PKN2: variants seen among roughly 807,000 people sequenced by gnomAD.
The protein encoded by PKN2 is serine/threonine-protein kinase N2.
In PKN2, 38 loss-of-function variants were observed where a neutral mutation model predicts 119.1. The ratio of observed to expected loss-of-function variants is 0.32; its 90% CI spans 0.25 to 0.42. PKN2 has a LOEUF of 0.42. PKN2 is among the 10% of genes least tolerant of loss of function. The pLI is 1.00. For missense variants in PKN2, 850 were observed against 1,165.1 expected, an observed-to-expected ratio of 0.73 and a Z score of 3.94; for synonymous variants, 390 against 384.9, an observed-to-expected ratio of 1.01 and a Z score of -0.15.
At chr1:88,715,360 A>G (rs1249661246) in intron 1 of PKN2, among the ~76,000 whole-genome samples, 3 of 152,054 alleles carry the variant, frequency 2.0e-5, no homozygotes, top group Non-Finnish European at 4.4e-5. Flanking sequence ...TCTTCTTTGT[A>G]CCTGTGGTAA....
chr1:88,766,166 T>C (rs1669661345), intron 3 of PKN2, among the ~76,000 whole-genome samples: 3 of 152,234 alleles, frequency 2.0e-5, no homozygotes. Context: ...TCCTAGTGCA[T>C]ATAATAATCA....
intron 8 of PKN2, among the ~76,000 whole-genome samples, chr1:88,793,401 A>G (rs1670928146): frequency 6.6e-6 from 1 of 152,146 alleles, no homozygotes; most frequent in African/African-American, 2.4e-5. Flanking sequence ...AAAAGATTCC[A>G]GTATATTTAT....
At chr1:88,822,301 T>C (rs1448067656) in intron 17 of PKN2, among the ~76,000 whole-genome samples, 1 of 152,176 alleles carries the variant, frequency 6.6e-6, no homozygotes, top group Admixed American at 6.5e-5. Context: ...AAACGACTCA[T>C]TGCAGAAAAC....
chr1:88,684,490 C>A lies in PKN2; in HGVS notation c.-91C>A. ...TTGTTTTTTTTTTTTTCTTTCTCTCCCCTCTCCTCACCCCCACCCCGAGCC... is the reference window on the plus strand; with the variant it reads ...TTGTTTTTTTTTTTTTCTTTCTCTCACCTCTCCTCACCCCCACCCCGAGCC... On this transcript the variant is annotated 5_prime_UTR_variant, in exon 1 of 22. Coordinates refer to ENST00000370521, the MANE Select transcript of PKN2 (RefSeq NM_006256.4). The A allele has an allele frequency of 9.5e-7, 1 of 1,053,068 alleles. No individual in the cohort carries two copies. Among genetic ancestry groups the A allele is most frequent in the Non-Finnish European group, 1.4e-6 (1 of 737,094 alleles). 65.2% of individuals were successfully genotyped at this position (1,053,068 alleles called of 1,614,324 possible).
intron 6 of PKN2, among the ~76,000 whole-genome samples, chr1:88,772,114 A>G (rs916029202): frequency 6.6e-6 from 1 of 152,148 alleles, no homozygotes; most frequent in African/African-American, 2.4e-5. Context: ...CATCACCCCA[A>G]AAGGAAACGC....
chr1:88,694,002 C>A (rs1408137844), intron 1 of PKN2, among the ~76,000 whole-genome samples: 4 of 152,068 alleles, frequency 2.6e-5, no homozygotes, highest in Non-Finnish European at 5.9e-5. Context: ...AGTTTTAGGT[C>A]CACAGCAAAA....
chr1:88,753,303 CT>C (rs1669073759), intron 2 of PKN2, among the ~76,000 whole-genome samples: 1 of 152,078 alleles, frequency 6.6e-6, no homozygotes, highest in Non-Finnish European at 1.5e-5. Context: ...TTCGTTATTT[CT>C]TTTTTGACCT....
At chr1:88,723,742 C>T (rs1450918001) in intron 1 of PKN2, among the ~76,000 whole-genome samples, 1 of 152,162 alleles carries the variant, frequency 6.6e-6, no homozygotes, top group Non-Finnish European at 1.5e-5. Context: ...TGCCTCATTT[C>T]AGGTGGCATA....
chr1:88,761,699 A>G (rs1279423189), intron 3 of PKN2, among the ~76,000 whole-genome samples: 2 of 151,056 alleles, frequency 1.3e-5, no homozygotes, highest in Non-Finnish European at 3.0e-5. Context: ...AAGGTTAATT[A>G]TGAACATTAG....
intron 3 of PKN2, among the ~76,000 whole-genome samples, chr1:88,766,033 G>A (rs936199160): frequency 7.2e-5 from 11 of 152,134 alleles, no homozygotes; most frequent in African/African-American, 2.4e-4. Flanking sequence ...GGCTGGTCTC[G>A]AACTCCTGAC....
chr1:88,820,997 GTTTTTTGA>G (rs1672267757), intron 16 of PKN2, among the ~76,000 whole-genome samples: 1 of 152,130 alleles, frequency 6.6e-6, no homozygotes, highest in Non-Finnish European at 1.5e-5. Context: ...CTCGACCCAG[GTTTTTTGA>G]GATCCAAACC....
intron 8 of PKN2, among the ~76,000 whole-genome samples, chr1:88,788,186 A>G (rs953205661): frequency 6.6e-6 from 1 of 152,182 alleles, no homozygotes; most frequent in Non-Finnish European, 1.5e-5. Context: ...TTGTAGGATA[A>G]TTCTAGAAAT....
chr1:88,760,645 TG>T (rs1310889888), intron 3 of PKN2, among the ~76,000 whole-genome samples: 8 of 152,176 alleles, frequency 5.3e-5, no homozygotes, highest in South Asian at 4.1e-4. Context: ...TATTTAGTGC[TG>T]TTTTTTTTCA....
intron 8 of PKN2, among the ~76,000 whole-genome samples, chr1:88,796,159 A>T (rs1228643489): frequency 6.6e-6 from 1 of 152,032 alleles, no homozygotes; most frequent in Non-Finnish European, 1.5e-5. Flanking sequence ...TAGATTCCAA[A>T]TTTTTTTTCA....
chr1:88,751,311 A>G (rs573158744), intron 2 of PKN2, among the ~76,000 whole-genome samples: 31 of 152,148 alleles, frequency 2.0e-4, no homozygotes, highest in African/African-American at 7.0e-4. Context: ...GTATGTGTAG[A>G]CACACATACA....
At chr1:88,758,628 G>C (rs1669314255) in intron 2 of PKN2, among the ~76,000 whole-genome samples, 1 of 151,978 alleles carries the variant, frequency 6.6e-6, no homozygotes, top group African/African-American at 2.4e-5. Flanking sequence ...AAGAACATGT[G>C]GTATTTGGTT....
chr1:88,736,346 T>C lies in PKN2; in HGVS notation c.49-4642T>C, dbSNP rs146156248. On this transcript the variant is annotated intron_variant, in intron 1 of 21. Coordinates refer to ENST00000370521, the MANE Select transcript of PKN2 (RefSeq NM_006256.4). ...TTTGTTTGTTGCATGAAATTATGGT[T>C]CCTGAATGCTTTCTTAAAATTTTTT... Among the ~76,000 whole-genome samples, 1,489 of 152,148 alleles carry C rather than the reference T, an allele frequency of 9.8e-3. 19 individuals carry two copies. The highest frequency in any genetic ancestry group is 0.035 in the African/African-American group (1,442 of 41,496).
Position 88,772,643 on chromosome 1 carries a change from G to A in PKN2, c.985+764G>A, listed in dbSNP as rs568863429. Reference sequence around the variant, plus strand: ...TGAGTAGACTGCTATGAACATTTACGTGCAGGTTTTTGCTTGAACATCTGT... The same window carrying A: ...TGAGTAGACTGCTATGAACATTTACATGCAGGTTTTTGCTTGAACATCTGT... On this transcript the variant is annotated intron_variant, in intron 6 of 21. Transcript: ENST00000370521. Among the ~76,000 whole-genome samples the A allele has an allele frequency of 3.3e-5, 5 of 152,150 alleles. No individual in the cohort carries two copies. The South Asian group carries it at 8.3e-4, about 25-fold the overall frequency.
intron 19 of PKN2, 108 bp downstream of exon 19, chr1:88,828,731 G>T (rs1030932482): frequency 1.1e-6 from 1 of 874,518 alleles, no homozygotes; most frequent in Non-Finnish European, 1.7e-6. Context: ...TGGAATTTAA[G>T]TTTTATAAAT....
Sources: allele counts gnomAD v4.1 joint callset (sites outside exome capture counted in the v4.1 genomes callset), GRCh38; gene constraint gnomAD v4.1.1; transcripts MANE v1.5; gene names NCBI Gene and HGNC (gene_info 2026-07-23, HGNC 2026-07-21).